The following CHCHD3 variants were observed in gnomAD, a reference collection of about 807,000 sequenced individuals.
CHCHD3 encodes coiled-coil-helix-coiled-coil-helix domain containing 3, also known as MICOS complex subunit MIC19.
A neutral mutation model predicts 38.2 loss-of-function variants in CHCHD3; 20 were observed. The ratio of observed to expected loss-of-function variants is 0.52; its 90% CI spans 0.37 to 0.76. The LOEUF is 0.76. Among genes scored for constraint, CHCHD3 ranks in the 30% least tolerant of loss-of-function variants. CHCHD3 has a pLI of 0.00. For missense variants in CHCHD3, 245 were observed against 279.2 expected (o/e 0.88, Z 0.87); for synonymous variants, 82 against 100.0 (o/e 0.82, Z 1.07).
chr7:133,041,068 G>A (rs1813823870), intron 2 of CHCHD3, among the ~76,000 whole-genome samples: 2 of 152,130 alleles, frequency 1.3e-5, no homozygotes, highest in South Asian at 2.1e-4. Flanking sequence ...TAAGAAGGTC[G>A]CCTGTAGAAT....
At chr7:133,023,534 C>G (rs2117440326) in intron 3 of CHCHD3, among the ~76,000 whole-genome samples, 1 of 152,242 alleles carries the variant, frequency 6.6e-6, no homozygotes, top group South Asian at 2.1e-4. Context: ...ACAAACTAAG[C>G]ACCTGCTCAG....
chr7:133,008,891 A>G (rs1188768095), intron 3 of CHCHD3, among the ~76,000 whole-genome samples: 1 of 151,984 alleles, frequency 6.6e-6, no homozygotes, highest in Non-Finnish European at 1.5e-5. Context: ...TTGTCTGCAA[A>G]AAGCTGTCTA....
rs563378584 is a variant in CHCHD3 at position 132,875,341 on chromosome 7, G to A, written c.453+10321C>T. 5.3e-5 allele frequency among the ~76,000 whole-genome samples: 8 copies of A among 152,226 alleles called. No individual in the cohort carries two copies. The South Asian group carries it at 1.7e-3, about 32-fold the overall frequency. The stretch of plus-strand genomic sequence containing the variant: ...TTAATTTTAAAAAAATTTATCCAAG[G>A]TTTATTATGTGCCAGGCACTATCAC... On this transcript the variant is annotated intron_variant, in intron 5 of 7. Transcript: ENST00000262570.
intron 3 of CHCHD3, among the ~76,000 whole-genome samples, chr7:133,005,035 C>A (rs1335392796): frequency 2.6e-5 from 4 of 151,936 alleles, no homozygotes; most frequent in Non-Finnish European, 5.9e-5. Flanking sequence ...ATATATTGAT[C>A]TTTACAAAAA....
chr7:133,067,018 A>C (rs2117532336), intron 2 of CHCHD3, among the ~76,000 whole-genome samples: 1 of 152,290 alleles, frequency 6.6e-6, no homozygotes, highest in Non-Finnish European at 1.5e-5. Context: ...CTTGAATGTA[A>C]CTCTCATCTC....
chr7:132,893,285 G>T (rs1191193358), intron 4 of CHCHD3, among the ~76,000 whole-genome samples: 1 of 152,210 alleles, frequency 6.6e-6, no homozygotes, highest in Admixed American at 6.5e-5. Flanking sequence ...TGACTGCCCT[G>T]CTGGATTTCA....
intron 6 of CHCHD3, among the ~76,000 whole-genome samples, chr7:132,828,759 T>C (rs1807569231): frequency 6.6e-6 from 1 of 152,194 alleles, no homozygotes; most frequent in South Asian, 2.1e-4. Context: ...GCATCTGGGA[T>C]AGGCTTACCA....
chr7:132,897,629 C>T (rs978671003), intron 4 of CHCHD3, among the ~76,000 whole-genome samples: 2 of 152,200 alleles, frequency 1.3e-5, no homozygotes, highest in African/African-American at 4.8e-5. Context: ...TCTTCTCATG[C>T]TGGCTTGAAG....
intron 6 of CHCHD3, 123 bp downstream of exon 6, chr7:132,838,276 C>G (rs1003485993): frequency 6.3e-5 from 38 of 607,588 alleles, no homozygotes; most frequent in African/African-American, 5.8e-4. Flanking sequence ...CTCAACCACC[C>G]CAAAACTCTT....
intron 6 of CHCHD3, chr7:132,815,446 A>G (rs2117058015): frequency 7.7e-6 from 3 of 391,398 alleles, no homozygotes; most frequent in South Asian, 5.7e-5. Context: ...CATAAAGGAC[A>G]TTTTACCAGT....
chr7:132,878,082 T>C (rs1039596828), intron 5 of CHCHD3, among the ~76,000 whole-genome samples: 8 of 152,206 alleles, frequency 5.3e-5, no homozygotes, highest in Non-Finnish European at 1.2e-4. Context: ...AACGACTGTT[T>C]ATATTTTAGT....
chr7:132,881,822 T>G (rs1201823627), intron 5 of CHCHD3, among the ~76,000 whole-genome samples: 1 of 152,174 alleles, frequency 6.6e-6, no homozygotes, highest in East Asian at 1.9e-4. Context: ...GACATTGTAA[T>G]TCTCACTGCC....
At chr7:132,814,489 C>T (rs1224649352) in intron 6 of CHCHD3, among the ~76,000 whole-genome samples, 1 of 152,194 alleles carries the variant, frequency 6.6e-6, no homozygotes, top group Non-Finnish European at 1.5e-5. Context: ...CCTGTAATGG[C>T]CTTGTAGCCA....
At chr7:132,820,186 T>C (rs1807310535) in intron 6 of CHCHD3, among the ~76,000 whole-genome samples, 1 of 152,202 alleles carries the variant, frequency 6.6e-6, no homozygotes, top group Non-Finnish European at 1.5e-5. Flanking sequence ...AGGATCATCG[T>C]AACACTCAAC....
chr7:132,900,082 G>A (rs1488270438), intron 4 of CHCHD3, among the ~76,000 whole-genome samples: 3 of 152,188 alleles, frequency 2.0e-5, no homozygotes, highest in Non-Finnish European at 4.4e-5. Flanking sequence ...CCAGCAGTGG[G>A]TTTGCAACTA....
At chr7:132,804,361 C>T (rs1165111741) in intron 6 of CHCHD3, among the ~76,000 whole-genome samples, 11 of 152,204 alleles carry the variant, frequency 7.2e-5, no homozygotes, top group Non-Finnish European at 1.5e-4. Context: ...CACATTCATG[C>T]GGAGCTTCTA....
intron 6 of CHCHD3, among the ~76,000 whole-genome samples, chr7:132,835,704 C>T (rs1807763985): frequency 6.6e-6 from 1 of 152,132 alleles, no homozygotes; most frequent in African/African-American, 2.4e-5. Context: ...GGTTCTTTTG[C>T]CCCCTTTATC....
chr7:133,060,948 T>A (rs1057129231), intron 2 of CHCHD3, among the ~76,000 whole-genome samples: 1 of 152,084 alleles, frequency 6.6e-6, no homozygotes, highest in Non-Finnish European at 1.5e-5. Flanking sequence ...TCTGAGGATA[T>A]ACAAGAACTA....
intron 6 of CHCHD3, among the ~76,000 whole-genome samples, chr7:132,800,829 G>T (rs907773316): frequency 6.6e-6 from 1 of 152,104 alleles, no homozygotes; most frequent in Non-Finnish European, 1.5e-5. Context: ...AGAAAATGAA[G>T]ATGAGAATGG....
Sources: allele counts gnomAD v4.1 joint callset (sites outside exome capture counted in the v4.1 genomes callset), GRCh38; gene constraint gnomAD v4.1.1; transcripts MANE v1.5; gene names NCBI Gene and HGNC (gene_info 2026-07-23, HGNC 2026-07-21).